The following IQCB1 variants were observed in gnomAD, a reference collection of about 807,000 sequenced individuals.
The protein encoded by IQCB1 is IQ calmodulin-binding motif-containing protein 1.
IQCB1 carries 56 observed loss-of-function variants against 84.4 expected under a neutral mutation model. The ratio of observed to expected loss-of-function variants is 0.66; its 90% CI spans 0.54 to 0.83. The LOEUF (loss-of-function observed/expected upper bound fraction) is 0.83. Ranked by LOEUF, IQCB1 falls within the 40% of genes least tolerant of loss-of-function variation. IQCB1 has a pLI of 0.00. For missense variants in IQCB1, 629 were observed against 682.1 expected (o/e 0.92, Z 0.87); for synonymous variants, 210 against 234.8 (o/e 0.89, Z 0.96).
chr3:121,812,595 A>C (rs2108604622), intron 5 of IQCB1, among the ~76,000 whole-genome samples: 1 of 152,354 alleles, frequency 6.6e-6, no homozygotes, highest in Admixed American at 6.5e-5. Context: ...TGGAGCTGAA[A>C]AACACAGCAT....
Position 121,835,038 on chromosome 3 carries a change from C to G in IQCB1, c.-174G>C. Reference sequence around the variant, plus strand: ...GCCGCACTACAGCGCCGCGGCCTTCCGGGGCAGCGTGCGTCGCGACGCGGG... The same window carrying G: ...GCCGCACTACAGCGCCGCGGCCTTCGGGGGCAGCGTGCGTCGCGACGCGGG... On this transcript the variant is annotated 5_prime_UTR_variant, in exon 1 of 15. Transcript: ENST00000310864. 5 of 571,142 alleles carry G rather than the reference C, an allele frequency of 8.8e-6. No individual in the cohort carries two copies. The highest frequency in any genetic ancestry group is 1.6e-5 in the Non-Finnish European group (5 of 318,306). 35.4% of individuals were successfully genotyped at this position (571,142 alleles called of 1,614,324 possible).
chr3:121,798,489 A>G (rs1949284867), intron 8 of IQCB1, among the ~76,000 whole-genome samples: 1 of 151,872 alleles, frequency 6.6e-6, no homozygotes. Flanking sequence ...TGGCAATTAA[A>G]CAATATATAT....
chr3:121,817,388 G>C (rs1950108610), intron 5 of IQCB1, among the ~76,000 whole-genome samples: 1 of 150,748 alleles, frequency 6.6e-6, no homozygotes, highest in African/African-American at 2.4e-5. Flanking sequence ...AACAAACCTG[G>C]ACATCCAGCA....
intron 10 of IQCB1, 31 bp downstream of exon 10, chr3:121,795,426 G>C (rs903826151): frequency 1.5e-5 from 16 of 1,084,610 alleles, no homozygotes; most frequent in African/African-American, 3.1e-5. Context: ...AAGATTCTAT[G>C]ATCATCAATC....
intron 12 of IQCB1, among the ~76,000 whole-genome samples, chr3:121,787,664 T>A (rs1349808729): frequency 6.6e-6 from 1 of 151,732 alleles, no homozygotes; most frequent in Non-Finnish European, 1.5e-5. Context: ...GGCAGGAGAA[T>A]TGCTTGAACC....
At chr3:121,822,310 G>C (rs1010424817) in intron 5 of IQCB1, among the ~76,000 whole-genome samples, 3 of 151,956 alleles carry the variant, frequency 2.0e-5, no homozygotes, top group Admixed American at 2.0e-4. Context: ...TGTTTTTCTG[G>C]AGAGACCTGA....
chr3:121,828,441 A>G (rs752439640), intron 4 of IQCB1, 29 bp downstream of exon 4: 1 of 1,593,994 alleles, frequency 6.3e-7, no homozygotes, highest in Non-Finnish European at 8.6e-7. Context: ...ACATCCCTCA[A>G]GAACAGCTGA....
chr3:121,790,202 T>C lies in IQCB1; in HGVS notation c.1000A>G (p.Lys334Glu), dbSNP rs532987681. The change falls in exon 11 of 15, where the codon AAG becomes GAG. Residue 334 changes from lysine (K) to glutamate (E), a missense_variant. Coordinates refer to ENST00000310864, the MANE Select transcript of IQCB1 (RefSeq NM_001023570.4). ...LQRSFRSKRS[K>E]MLLEINRQKE... ...TGCCTATTTATCTCCAGCAACATCT[T>C]TGATCGTTTGGATCTGTGATGGAAA... 4 of 1,613,834 alleles carry C rather than the reference T, an allele frequency of 2.5e-6. No homozygotes were observed. In the South Asian group the frequency reaches 4.4e-5, roughly 18 times the overall value.
rs573442694 is a variant in IQCB1 at position 121,784,938 on chromosome 3, T to C, written c.1279-3064A>G. Among the ~76,000 whole-genome samples, 13 of 152,294 alleles carry C rather than the reference T, an allele frequency of 8.5e-5. No individual in the cohort carries two copies. The South Asian group carries it at 1.7e-3, about 19-fold the overall frequency. ...ATCCTCCCGCCTCAGCCTCCCAAAG[T>C]GCTGGGATTTACAAGCATGAGTCAC... On this transcript the variant is annotated intron_variant, in intron 12 of 14. Transcript: ENST00000310864.
At chr3:121,795,260 T>C (rs2108560730) in intron 10 of IQCB1, among the ~76,000 whole-genome samples, 197 bp downstream of exon 10, 1 of 152,144 alleles carries the variant, frequency 6.6e-6, no homozygotes, top group East Asian at 1.9e-4. Flanking sequence ...ATTTGACACA[T>C]CAGATTCCTG....
chr3:121,783,369 C>T (rs1948582818), intron 12 of IQCB1, among the ~76,000 whole-genome samples: 1 of 152,010 alleles, frequency 6.6e-6, no homozygotes, highest in Non-Finnish European at 1.5e-5. Flanking sequence ...AGCTATCTTT[C>T]ACTGTTTCTA....
chr3:121,832,602 C>T (rs552007662), intron 2 of IQCB1, among the ~76,000 whole-genome samples: 5 of 152,340 alleles, frequency 3.3e-5, no homozygotes, highest in East Asian at 3.9e-4. Flanking sequence ...GCTGGGATTA[C>T]AGGCATGAGC....
intron 10 of IQCB1, among the ~76,000 whole-genome samples, chr3:121,793,816 C>T (rs369745736): frequency 6.6e-6 from 1 of 152,096 alleles, no homozygotes; most frequent in African/African-American, 2.4e-5. Context: ...AGATACACTT[C>T]TAAGTAGAAA....
At chr3:121,808,709 T>C (rs573979352) in intron 6 of IQCB1, among the ~76,000 whole-genome samples, 2 of 152,146 alleles carry the variant, frequency 1.3e-5, no homozygotes, top group South Asian at 4.1e-4. Flanking sequence ...AACAGTATTC[T>C]CCTTAATTTA....
At chr3:121,806,305 CAT>C (rs1053168930) in intron 7 of IQCB1, among the ~76,000 whole-genome samples, 1 of 152,080 alleles carries the variant, frequency 6.6e-6, no homozygotes, top group African/African-American at 2.4e-5. Flanking sequence ...TCTACCTTCA[CAT>C]AGTCACCAGA....
At chr3:121,803,491 TTGA>T (rs1949487753) in intron 7 of IQCB1, among the ~76,000 whole-genome samples, 1 of 137,488 alleles carries the variant, frequency 7.3e-6, no homozygotes, top group Non-Finnish European at 1.5e-5. Context: ...GTCAGATTGG[TTGA>T]TATTATTGTT....
chr3:121,812,454 T>G (rs1949866447), intron 5 of IQCB1, among the ~76,000 whole-genome samples: 1 of 152,170 alleles, frequency 6.6e-6, no homozygotes, highest in Non-Finnish European at 1.5e-5. Flanking sequence ...CTTCGGAAGG[T>G]GGGTAATAAC....
chr3:121,780,010 T>G (rs1457580492), intron 13 of IQCB1, among the ~76,000 whole-genome samples: 1 of 152,204 alleles, frequency 6.6e-6, no homozygotes, highest in African/African-American at 2.4e-5. Flanking sequence ...TAATTTGGCT[T>G]TGGATAATTT....
chr3:121,785,537 C>A (rs1207886319), intron 12 of IQCB1, among the ~76,000 whole-genome samples: 4 of 151,964 alleles, frequency 2.6e-5, no homozygotes, highest in Non-Finnish European at 5.9e-5. Flanking sequence ...AGTTGCAGTG[C>A]CAACAGAAAT....
Sources: gnomAD v4.1 joint callset for allele counts (sites outside exome capture counted in the v4.1 genomes callset) on GRCh38, gnomAD v4.1.1 for gene constraint, MANE v1.5 for transcripts, NCBI Gene and HGNC (gene_info 2026-07-23, HGNC 2026-07-21) for gene names.